Variants in ORC5 observed in about 807,000 individuals in gnomAD.
The protein encoded by ORC5 is protein phosphatase 1, regulatory subunit 117.
Under a neutral mutation model 58.8 loss-of-function variants are expected in ORC5, and 39 were observed. The observed-to-expected ratio is 0.66, with a 90% CI of 0.51 to 0.87. The LOEUF is 0.87. ORC5 is among the 40% of genes least tolerant of loss of function. ORC5 has a pLI of 0.00. For missense variants in ORC5, 493 were observed against 506.3 expected (o/e 0.97, Z 0.25); for synonymous variants, 218 against 177.6 (o/e 1.23, Z -1.81).
chr7:104,205,092 T>TC lies in ORC5; in HGVS notation c.73-859_73-858insG, dbSNP rs1048852595. 4.4e-5 allele frequency among the ~76,000 whole-genome samples: 6 copies of TC among 137,192 alleles called. 1 individual carries two copies. The highest frequency in any genetic ancestry group is 6.3e-5 in the Non-Finnish European group (4 of 63,206). The allele number at this position is 137,192 out of a possible 152,430, so 90.0% of individuals were successfully genotyped here. ...TTGATTTTTTAATAATACTCTTTTT[T>TC]TTTTTTTTTTTTTTTGAGATGGAGT... On this transcript the variant is annotated intron_variant, in intron 1 of 13. Coordinates refer to ENST00000297431, the MANE Select transcript of ORC5 (RefSeq NM_002553.4).
chr7:104,150,935 AGGGAGG>A (rs1798835649), intron 12 of ORC5, among the ~76,000 whole-genome samples: 1 of 152,232 alleles, frequency 6.6e-6, no homozygotes, highest in Non-Finnish European at 1.5e-5. Context: ...ATGAACTAAA[AGGGAGG>A]GAGGCAAAGT....
chr7:104,175,964 T>C (rs577327416), intron 8 of ORC5, among the ~76,000 whole-genome samples: 18 of 152,310 alleles, frequency 1.2e-4, no homozygotes, highest in African/African-American at 3.6e-4. Flanking sequence ...GAAAAAAGGA[T>C]AAAAAGAAGT....
chr7:104,156,581 T>C lies in ORC5; in HGVS notation c.1149+4491A>G, dbSNP rs562431531. ...GCTTCAGGAGAATTCTGAATGTCTA[T>C]ATCATACATGATCAATTTATACACA... On this transcript the variant is annotated intron_variant, in intron 12 of 13. Coordinates refer to ENST00000297431, the MANE Select transcript of ORC5 (RefSeq NM_002553.4). 1.1e-3 allele frequency among the ~76,000 whole-genome samples: 169 copies of C among 151,950 alleles called. 2 individuals are homozygous for C. Among genetic ancestry groups the C allele is most frequent in the African/African-American group, 3.8e-3 (158 of 41,568 alleles).
At chr7:104,207,269 A>T (rs561961265) in intron 1 of ORC5, among the ~76,000 whole-genome samples, 19 of 152,272 alleles carry the variant, frequency 1.2e-4, no homozygotes, top group African/African-American at 4.6e-4. Context: ...GTTCATCCAG[A>T]CAAGACAAAC....
chr7:104,168,664 A>ATTTTTTTTTTTTTTTT, intron 8 of ORC5, 139 bp from the exon 9 acceptor site: 1 of 488,738 alleles, frequency 2.0e-6, no homozygotes. Context: ...TGCAATAAAC[A>ATTTTTTTTTTTTTTTT]TGTTTGTACC....
At chr7:104,160,076 T>C (rs1798997879) in intron 12 of ORC5, among the ~76,000 whole-genome samples, 1 of 152,216 alleles carries the variant, frequency 6.6e-6, no homozygotes, top group Admixed American at 6.5e-5. Flanking sequence ...ACTATTTATG[T>C]AGCCTAGTAA....
chr7:104,152,408 C>T (rs111671117), intron 12 of ORC5, among the ~76,000 whole-genome samples: 2,268 of 152,162 alleles, frequency 0.015, 58 homozygotes, highest in African/African-American at 0.052. Flanking sequence ...TCTCTCAAAG[C>T]GCTGGGATTA....
intron 5 of ORC5, among the ~76,000 whole-genome samples, chr7:104,190,344 A>G (rs1395737134): frequency 6.6e-6 from 1 of 152,154 alleles, no homozygotes. Flanking sequence ...AAACTAGAAA[A>G]TGCTCTTCAT....
Position 104,203,517 on chromosome 7 carries a change from T to C in ORC5, c.165+625A>G, listed in dbSNP as rs542528750. On this transcript the variant is annotated intron_variant, in intron 2 of 13. Coordinates refer to ENST00000297431, the MANE Select transcript of ORC5 (RefSeq NM_002553.4). ...CCTTTATTGAGTGCTTACTACGCAC[T>C]ATGTACTGCAGAAAGCACTTTCCAT... is the stretch of plus-strand genomic sequence containing the variant. Among the ~76,000 whole-genome samples, 12 of 152,374 alleles carry C rather than the reference T, an allele frequency of 7.9e-5. No individual in the cohort carries two copies. The East Asian group carries it at 2.3e-3, about 29-fold the overall frequency.
chr7:104,205,951 T>C (rs1052743242), intron 1 of ORC5, among the ~76,000 whole-genome samples: 1 of 152,198 alleles, frequency 6.6e-6, no homozygotes, highest in Non-Finnish European at 1.5e-5. Flanking sequence ...GAGACTGCAG[T>C]GAGCCAAGAT....
intron 8 of ORC5, among the ~76,000 whole-genome samples, chr7:104,178,987 G>A (rs1035452312): frequency 3.3e-5 from 5 of 151,880 alleles, no homozygotes; most frequent in Admixed American, 2.6e-4. Context: ...GGTTATTTTA[G>A]AAAGTAAATT....
intron 12 of ORC5, among the ~76,000 whole-genome samples, chr7:104,159,807 T>C (rs1010344473): frequency 1.3e-5 from 2 of 152,144 alleles, no homozygotes; most frequent in Non-Finnish European, 2.9e-5. Flanking sequence ...TTGCTTATAA[T>C]AAAGACCTGA....
At chr7:104,180,811 A>C (rs141717128) in intron 8 of ORC5, among the ~76,000 whole-genome samples, 1 of 152,196 alleles carries the variant, frequency 6.6e-6, no homozygotes, top group African/African-American at 2.4e-5. Context: ...TATATCATCA[A>C]GTCATAATTG....
intron 8 of ORC5, among the ~76,000 whole-genome samples, chr7:104,180,955 C>G (rs1383288020): frequency 3.3e-5 from 5 of 152,070 alleles, no homozygotes; most frequent in Non-Finnish European, 7.4e-5. Context: ...TGATTTTTAT[C>G]TAAAAGCATT....
intron 8 of ORC5, among the ~76,000 whole-genome samples, chr7:104,176,054 A>T (rs1473757612): frequency 6.6e-6 from 1 of 152,256 alleles, no homozygotes; most frequent in Non-Finnish European, 1.5e-5. Context: ...GCCTACTGGG[A>T]CAAATAAAGT....
chr7:104,192,533 A>G (rs1457717278), intron 5 of ORC5, among the ~76,000 whole-genome samples: 4 of 152,128 alleles, frequency 2.6e-5, no homozygotes, highest in Non-Finnish European at 1.5e-5. Flanking sequence ...AAAAAAGCTT[A>G]AAAATAGCCT....
chr7:104,159,332 TGGGGGGA>T (rs1320238311), intron 12 of ORC5, among the ~76,000 whole-genome samples: 1 of 43,294 alleles, frequency 2.3e-5, no homozygotes, highest in African/African-American at 9.7e-5. Context: ...TGTTGTGGGG[TGGGGGGA>T]GGGGGGAGGG....
intron 4 of ORC5, among the ~76,000 whole-genome samples, chr7:104,197,210 G>A (rs1195530676): frequency 6.6e-6 from 1 of 152,144 alleles, no homozygotes; most frequent in African/African-American, 2.4e-5. Context: ...ACCTGCTGTA[G>A]GCTAGTTCAC....
intron 3 of ORC5, among the ~76,000 whole-genome samples, chr7:104,198,705 G>C (rs554223652): frequency 1.3e-5 from 2 of 152,332 alleles, no homozygotes; most frequent in Non-Finnish European, 2.9e-5. Context: ...CATTTTCTGG[G>C]GAGAAATTCA....
Sources: gnomAD v4.1 joint callset for allele counts (sites outside exome capture counted in the v4.1 genomes callset) on GRCh38, gnomAD v4.1.1 for gene constraint, MANE v1.5 for transcripts, NCBI Gene and HGNC (gene_info 2026-07-23, HGNC 2026-07-21) for gene names.